The following PDE4D variants were observed in gnomAD, a reference collection of about 807,000 sequenced individuals.
PDE4D encodes the protein 3',5'-cyclic-AMP phosphodiesterase 4D.
Under a neutral mutation model 87.4 loss-of-function variants are expected in PDE4D, and 24 were observed. That is an observed-to-expected ratio of 0.27 (90% CI 0.20 to 0.39). The LOEUF is 0.39. Among genes scored for constraint, PDE4D ranks in the 10% least tolerant of loss-of-function variants. The probability of loss-of-function intolerance (pLI) is 1.00; values close to 1 mark genes in which losing one functional copy is unlikely to be tolerated. For missense variants in PDE4D, 714 were observed against 1,041.0 expected (o/e 0.69, Z 4.32); for synonymous variants, 384 against 383.2 (o/e 1.00, Z -0.02).
At chr5:60,210,715 A>C (rs1460519128) in intron 1 of PDE4D, among the ~76,000 whole-genome samples, 1 of 151,976 alleles carries the variant, frequency 6.6e-6, no homozygotes, top group East Asian at 1.9e-4. Context: ...TGTTTATGTA[A>C]ATACTCATGG....
chr5:59,077,469 TTTC>T (rs1765885188), intron 5 of PDE4D, among the ~76,000 whole-genome samples: 1 of 134,946 alleles, frequency 7.4e-6, no homozygotes, highest in African/African-American at 2.6e-5. Flanking sequence ...TGATTTTTTT[TTTC>T]TTCTTTTTTT....
chr5:59,783,244 G>T (rs915075803), intron 1 of PDE4D, among the ~76,000 whole-genome samples: 4 of 152,112 alleles, frequency 2.6e-5, no homozygotes, highest in African/African-American at 9.7e-5. Flanking sequence ...CAGTGCCTGG[G>T]CCACACCACC....
intron 2 of PDE4D, among the ~76,000 whole-genome samples, chr5:60,126,110 T>A (rs902501326): frequency 1.3e-4 from 20 of 151,988 alleles, no homozygotes; most frequent in Non-Finnish European, 4.4e-5. Flanking sequence ...TAATAAAGCT[T>A]CAAGAACAGC....
At chr5:59,527,351 T>C (rs966931187) in intron 1 of PDE4D, among the ~76,000 whole-genome samples, 7 of 152,198 alleles carry the variant, frequency 4.6e-5, no homozygotes, top group Non-Finnish European at 8.8e-5. Context: ...CAAAACACTA[T>C]CCTTTTTCTA....
intron 5 of PDE4D, among the ~76,000 whole-genome samples, chr5:59,112,435 T>C (rs79005111): frequency 0.027 from 4,135 of 152,260 alleles, 190 homozygotes; most frequent in African/African-American, 0.093. Context: ...TTGAATAGAC[T>C]GTTATGCAGC....
chr5:59,675,623 T>G (rs1747938009), intron 1 of PDE4D, among the ~76,000 whole-genome samples: 1 of 152,180 alleles, frequency 6.6e-6, no homozygotes, highest in African/African-American at 2.4e-5. Flanking sequence ...AAAGTTCTAA[T>G]TTTGGCACAT....
At chr5:59,967,520 T>C (rs911482733) in intron 3 of PDE4D, among the ~76,000 whole-genome samples, 4 of 152,062 alleles carry the variant, frequency 2.6e-5, no homozygotes, top group Non-Finnish European at 5.9e-5. Flanking sequence ...TCACTAATCA[T>C]CAGAGAAATG....
At chr5:60,047,179 T>C (rs1314585806) in intron 2 of PDE4D, among the ~76,000 whole-genome samples, 1 of 152,224 alleles carries the variant, frequency 6.6e-6, no homozygotes, top group African/African-American at 2.4e-5. Context: ...TATTCTCTGA[T>C]GGTAGTTTGT....
At chr5:59,639,168 T>A (rs1741116491) in intron 1 of PDE4D, among the ~76,000 whole-genome samples, 1 of 152,182 alleles carries the variant, frequency 6.6e-6, no homozygotes, top group Non-Finnish European at 1.5e-5. Flanking sequence ...ACCAATGTAA[T>A]GACTATTGTG....
At chr5:59,701,385 T>A (rs775313774) in intron 1 of PDE4D, among the ~76,000 whole-genome samples, 1 of 152,188 alleles carries the variant, frequency 6.6e-6, no homozygotes, top group Non-Finnish European at 1.5e-5. Context: ...TTAATCTAAA[T>A]TCCCTGAGAA....
At position 59,139,071 on chromosome 5, in the gene PDE4D, G is replaced by A; in HGVS notation, c.808+41524C>T. On this transcript the variant is annotated intron_variant, in intron 5 of 14. Transcript: ENST00000340635. ...GCAAAAGTTACAGAGGTGTGGGAGA[G>A]CTTGGCTTGATCAGGAAACTATACA... Among the ~76,000 whole-genome samples the A allele has an allele frequency of 1.3e-5, 2 of 152,142 alleles. 1 individual carries two copies. The highest frequency in any genetic ancestry group is 3.8e-4 in the East Asian group (2 of 5,198).
At chr5:59,838,338 C>T (rs945689463) in intron 1 of PDE4D, among the ~76,000 whole-genome samples, 1 of 152,066 alleles carries the variant, frequency 6.6e-6, no homozygotes. Context: ...AAAGGAATGT[C>T]AAAGAGGTTA....
intron 1 of PDE4D, among the ~76,000 whole-genome samples, chr5:60,193,688 A>AAAAAG (rs1562204841): frequency 2.0e-5 from 3 of 149,604 alleles, no homozygotes. Flanking sequence ...AAAAAAAAAA[A>AAAAAG]AAAAGAAAGA....
chr5:60,453,232 T>C (rs183395953), intron 1 of PDE4D, among the ~76,000 whole-genome samples: 3 of 152,220 alleles, frequency 2.0e-5, no homozygotes, highest in African/African-American at 2.4e-5. Flanking sequence ...TGAGAAAAGA[T>C]TGGCATGTTT....
chr5:60,057,088 T>C (rs1284213899), intron 2 of PDE4D, among the ~76,000 whole-genome samples: 2 of 152,070 alleles, frequency 1.3e-5, no homozygotes, highest in East Asian at 3.9e-4. Context: ...CTTGAGTTCT[T>C]CTATTGGCTC....
intron 1 of PDE4D, among the ~76,000 whole-genome samples, chr5:59,740,732 G>A (rs1758716685): frequency 6.6e-6 from 1 of 152,126 alleles, no homozygotes; most frequent in Non-Finnish European, 1.5e-5. Flanking sequence ...ACAGCACTTT[G>A]CACTGAAGAG....
chr5:59,490,802 A>G (rs1806038732), intron 1 of PDE4D, among the ~76,000 whole-genome samples: 1 of 152,256 alleles, frequency 6.6e-6, no homozygotes, highest in Non-Finnish European at 1.5e-5. Context: ...TCAATTGGCA[A>G]CTGACGTGGT....
chr5:59,738,062 G>A (rs1758325232), intron 1 of PDE4D, among the ~76,000 whole-genome samples: 1 of 152,090 alleles, frequency 6.6e-6, no homozygotes, highest in Non-Finnish European at 1.5e-5. Flanking sequence ...AATTCAGTGA[G>A]CAAGAGATAC....
chr5:59,379,203 G>A (rs780292352), intron 1 of PDE4D, among the ~76,000 whole-genome samples: 13 of 152,060 alleles, frequency 8.5e-5, no homozygotes, highest in East Asian at 5.8e-4. Flanking sequence ...ATGTGTCTGC[G>A]TAACAATCAA....
Sources: allele counts gnomAD v4.1 joint callset (sites outside exome capture counted in the v4.1 genomes callset), GRCh38; gene constraint gnomAD v4.1.1; transcripts MANE v1.5; gene names NCBI Gene and HGNC (gene_info 2026-07-23, HGNC 2026-07-21).